Variants in RIMS4 observed in about 807,000 individuals in gnomAD.
RIMS4 encodes the protein regulating synaptic membrane exocytosis 4.
In RIMS4, 9 loss-of-function variants were observed where a neutral mutation model predicts 29.0. That is an observed-to-expected ratio of 0.31 (90% CI 0.19 to 0.54). RIMS4 has a LOEUF of 0.54. RIMS4 is among the 20% of genes least tolerant of loss of function. The pLI is 0.94. For synonymous variants in RIMS4, 130 were observed against 152.9 expected (o/e 0.85, Z 1.10); for missense variants, 193 against 365.7 (o/e 0.53, Z 3.85).
chr20:44,787,227 T>C (rs1428937128), intron 1 of RIMS4, among the ~76,000 whole-genome samples: 2 of 151,778 alleles, frequency 1.3e-5, no homozygotes, highest in Non-Finnish European at 2.9e-5. Flanking sequence ...TTTGAGATGA[T>C]GGGGCAGGAG....
intron 1 of RIMS4, among the ~76,000 whole-genome samples, chr20:44,792,243 G>A (rs1056256873): frequency 1.3e-5 from 2 of 152,036 alleles, no homozygotes; most frequent in African/African-American, 4.8e-5. Context: ...AGCAGTGGGT[G>A]GGCTCACAGA....
intron 1 of RIMS4, among the ~76,000 whole-genome samples, chr20:44,774,425 G>A (rs944905929): frequency 6.6e-6 from 1 of 152,104 alleles, no homozygotes; most frequent in Non-Finnish European, 1.5e-5. Context: ...CTAATCGGCT[G>A]CCAGCATGGC....
At position 44,756,752 on chromosome 20, in the gene RIMS4, G is replaced by T; in HGVS notation, c.591+146C>A. On this transcript the variant is annotated intron_variant, in intron 5 of 5. Transcript: ENST00000372851. The surrounding 1 kb of genome is among the most constrained non-coding windows in gnomAD (Gnocchi z 5.9). ...GCAGTAAGTTGTGGAGCTCAGTTCAGCCACAGTGAACTGAGGGCCTCGCCT... is the reference window on the plus strand; with the variant it reads ...GCAGTAAGTTGTGGAGCTCAGTTCATCCACAGTGAACTGAGGGCCTCGCCT... 1.5e-6 allele frequency: 1 copy of T among 666,136 alleles called. No homozygotes were observed. The allele number at this position is 666,136 out of a possible 1,614,324, so 41.3% of individuals were successfully genotyped here.
intron 1 of RIMS4, among the ~76,000 whole-genome samples, chr20:44,790,563 C>T (rs2066228602): frequency 6.6e-6 from 1 of 152,216 alleles, no homozygotes; most frequent in Non-Finnish European, 1.5e-5. Context: ...TACCCGCTGC[C>T]ACTCCAGGCT....
At chr20:44,773,029 C>CAA (rs10667432) in intron 1 of RIMS4, among the ~76,000 whole-genome samples, 2 of 151,756 alleles carry the variant, frequency 1.3e-5, no homozygotes, top group South Asian at 4.1e-4. Context: ...CTGTCTCCCA[C>CAA]GTGTCTTTGT....
At chr20:44,762,734 G>A (rs542382639) in intron 2 of RIMS4, among the ~76,000 whole-genome samples, 3 of 152,196 alleles carry the variant, frequency 2.0e-5, no homozygotes, top group Non-Finnish European at 4.4e-5. Context: ...TCCTCCTGGG[G>A]GCTGGAGGAA....
At chr20:44,787,198 G>A (rs1043349692) in intron 1 of RIMS4, among the ~76,000 whole-genome samples, 9 of 152,118 alleles carry the variant, frequency 5.9e-5, no homozygotes, top group African/African-American at 2.2e-4. Flanking sequence ...AGAGCAAGGG[G>A]GAGTGGTGTG....
intron 1 of RIMS4, among the ~76,000 whole-genome samples, chr20:44,790,644 C>T (rs1425862594): frequency 6.6e-6 from 1 of 152,238 alleles, no homozygotes; most frequent in East Asian, 1.9e-4. Flanking sequence ...CAGGTGCTCA[C>T]TAAACATCTG....
At chr20:44,784,599 T>A (rs2066199698) in intron 1 of RIMS4, among the ~76,000 whole-genome samples, 1 of 152,244 alleles carries the variant, frequency 6.6e-6, no homozygotes, top group African/African-American at 2.4e-5. Context: ...TTCTGCAGGA[T>A]AGCAGCTAAC....
At chr20:44,778,959 G>T (rs187940641) in intron 1 of RIMS4, among the ~76,000 whole-genome samples, 21 of 152,290 alleles carry the variant, frequency 1.4e-4, no homozygotes, top group African/African-American at 5.1e-4. Flanking sequence ...GCCTGCCTGA[G>T]CTTCCCAAAT....
At chr20:44,785,674 T>C (rs765418850) in intron 1 of RIMS4, among the ~76,000 whole-genome samples, 1 of 152,150 alleles carries the variant, frequency 6.6e-6, no homozygotes, top group Non-Finnish European at 1.5e-5. Context: ...ATCAGACAAC[T>C]TTCTGCTCCT....
At chr20:44,777,655 T>C (rs1173697971) in intron 1 of RIMS4, among the ~76,000 whole-genome samples, 2 of 152,168 alleles carry the variant, frequency 1.3e-5, no homozygotes, top group Non-Finnish European at 2.9e-5. Flanking sequence ...CAGGGATGTG[T>C]TGGGGGGAGG....
At chr20:44,770,835 C>T (rs2066133977) in intron 2 of RIMS4, among the ~76,000 whole-genome samples, 2 of 152,136 alleles carry the variant, frequency 1.3e-5, no homozygotes, top group South Asian at 4.1e-4. Flanking sequence ...ATAATAAAAC[C>T]CCTTTCTACC....
rs1293522737 is a variant in RIMS4, at chr20:44,753,153, C to T, written c.*2981G>A. ...TGTGAGTCACTTCCTGTTTCTGGGCCTCAGTTTCCCAACCTCTCAGATGGG... is the reference window on the plus strand; with the variant it reads ...TGTGAGTCACTTCCTGTTTCTGGGCTTCAGTTTCCCAACCTCTCAGATGGG... On this transcript the variant is annotated 3_prime_UTR_variant, in exon 6 of 6. Transcript: ENST00000372851. The T allele has an allele frequency of 6.5e-6, 1 of 152,758 alleles. No individual in the cohort carries two copies. The highest frequency in any genetic ancestry group is 2.4e-5 in the African/African-American group (1 of 41,466). 9.5% of individuals were successfully genotyped at this position (152,758 alleles called of 1,614,324 possible). A position where few individuals can be genotyped will look rare whatever the true frequency, so the allele number is the denominator to read the frequency against.
At chr20:44,785,544 T>C (rs1282041407) in intron 1 of RIMS4, among the ~76,000 whole-genome samples, 1 of 152,112 alleles carries the variant, frequency 6.6e-6, no homozygotes, top group Non-Finnish European at 1.5e-5. Context: ...TACACAAACC[T>C]GCAAATCTTA....
intron 1 of RIMS4, among the ~76,000 whole-genome samples, chr20:44,788,801 T>TA (rs200719386): frequency 1.3e-5 from 2 of 151,484 alleles, no homozygotes; most frequent in African/African-American, 2.4e-5. Context: ...ACTACCCACT[T>TA]AAAAAAAATG....
At chr20:44,797,310 T>C (rs1447570572) in intron 1 of RIMS4, among the ~76,000 whole-genome samples, 3 of 152,334 alleles carry the variant, frequency 2.0e-5, no homozygotes, top group African/African-American at 4.8e-5. Context: ...AACTTCATGA[T>C]TGAGCAGTTA....
At chr20:44,792,110 T>C (rs1213074701) in intron 1 of RIMS4, among the ~76,000 whole-genome samples, 2 of 152,148 alleles carry the variant, frequency 1.3e-5, no homozygotes, top group East Asian at 1.9e-4. Context: ...TCTTTCCTCC[T>C]GGGCTGAGAA....
intron 1 of RIMS4, among the ~76,000 whole-genome samples, chr20:44,774,421 G>A (rs560145417): frequency 5.3e-5 from 8 of 152,102 alleles, no homozygotes; most frequent in African/African-American, 1.7e-4. Flanking sequence ...TCATCTAATC[G>A]GCTGCCAGCA....
Sources: allele counts gnomAD v4.1 joint callset (sites outside exome capture counted in the v4.1 genomes callset), GRCh38; gene constraint gnomAD v4.1.1; non-coding constraint Gnocchi (gnomAD v3.1); transcripts MANE v1.5; gene names NCBI Gene and HGNC (gene_info 2026-07-23, HGNC 2026-07-21).